NTRK3: variants seen among roughly 807,000 people sequenced by gnomAD.
NTRK3 encodes NT-3 growth factor receptor.
A neutral mutation model predicts 91.7 loss-of-function variants in NTRK3; 24 were observed. The ratio of observed to expected loss-of-function variants is 0.26; its 90% confidence interval spans 0.19 to 0.37. The LOEUF (loss-of-function observed/expected upper bound fraction) is 0.37. Among genes scored for constraint, NTRK3 ranks in the 10% least tolerant of loss-of-function variants. The pLI, the probability that NTRK3 is intolerant of heterozygous loss-of-function variation, is 1.00. For missense variants in NTRK3, 880 were observed against 1,068.9 expected (o/e 0.82, Z 2.46); for synonymous variants, 483 against 404.0 (o/e 1.20, Z -2.34).
chr15:87,977,691 C>T (rs1246101820), intron 14 of NTRK3: 1 of 231,848 alleles, frequency 4.3e-6, no homozygotes, highest in East Asian at 6.1e-5. Context: ...TAAACACACA[C>T]CTGGAGCCCT....
intron 5 of NTRK3, among the ~76,000 whole-genome samples, chr15:88,175,176 T>A (rs981450502): frequency 3.3e-5 from 5 of 152,228 alleles, no homozygotes; most frequent in Non-Finnish European, 7.3e-5. Flanking sequence ...AGTAAAAGTG[T>A]ATTTCTCTCT....
At chr15:87,867,522 G>C (rs2064715980) in exon 19 of NTRK3, 1 of 229,916 alleles carries the variant, frequency 4.3e-6, no homozygotes, top group Non-Finnish European at 8.6e-6. Context: ...TAACCAACTT[G>C]AGCAATGGAT....
intron 14 of NTRK3, among the ~76,000 whole-genome samples, chr15:87,974,501 G>A: frequency 6.6e-6 from 1 of 151,968 alleles, no homozygotes; most frequent in Admixed American, 6.5e-5. Flanking sequence ...CTAAGGATCA[G>A]GTTGGTCTCA....
At chr15:88,208,748 A>G (rs921410499) in intron 3 of NTRK3, among the ~76,000 whole-genome samples, 13 of 152,172 alleles carry the variant, frequency 8.5e-5, no homozygotes, top group African/African-American at 2.9e-4. Flanking sequence ...AAATAAACCA[A>G]TGGTTCCCAG....
intron 14 of NTRK3, among the ~76,000 whole-genome samples, chr15:87,965,946 C>T (rs1044416899): frequency 1.2e-4 from 18 of 151,878 alleles, no homozygotes; most frequent in African/African-American, 3.4e-4. Flanking sequence ...GGTGTGGTGG[C>T]GGGCACCTGT....
At chr15:88,078,587 T>C (rs150949222) in intron 13 of NTRK3, among the ~76,000 whole-genome samples, 1 of 151,942 alleles carries the variant, frequency 6.6e-6, no homozygotes, top group African/African-American at 2.4e-5. Flanking sequence ...GAGGTGGAGG[T>C]TGCAGTGAGC....
rs141783281 is a variant in NTRK3, at chr15:87,994,263, C to A, written c.1585+38594G>T. ...GGGATTGAATTGTGCCCCTCAAACA[C>A]CATCACCACAGTACCTCATATTGTC... On this transcript the variant is annotated intron_variant, in intron 14 of 18. Coordinates refer to ENST00000394480, the Ensembl canonical transcript of NTRK3. Among the ~76,000 whole-genome samples the A allele has an allele frequency of 3.3e-5, 5 of 152,288 alleles. No individual in the cohort carries two copies. In the East Asian group the frequency reaches 7.7e-4, roughly 24 times the overall value.
chr15:88,065,686 C>T (rs1019355424), intron 13 of NTRK3, among the ~76,000 whole-genome samples: 4 of 152,186 alleles, frequency 2.6e-5, no homozygotes, highest in African/African-American at 9.6e-5. Flanking sequence ...TAGAAAAGTT[C>T]TTTGGAACTG....
intron 14 of NTRK3, among the ~76,000 whole-genome samples, chr15:87,965,221 G>A (rs1455830287): frequency 1.3e-5 from 2 of 152,188 alleles, no homozygotes; most frequent in East Asian, 3.8e-4. Context: ...TTATGTGTTT[G>A]TGTGCTTTTC....
intron 3 of NTRK3, among the ~76,000 whole-genome samples, chr15:88,227,934 C>T (rs146434791): frequency 2.6e-5 from 4 of 152,262 alleles, no homozygotes; most frequent in Non-Finnish European, 5.9e-5. Flanking sequence ...CTTGGCCCTC[C>T]TCCCTTCTTC....
intron 7 of NTRK3, 151 bp from the exon 8 acceptor site, chr15:88,136,760 A>G: frequency 2.2e-6 from 2 of 925,212 alleles, no homozygotes; most frequent in East Asian, 2.7e-5. Context: ...CGCAAATCCA[A>G]GACGCTTTAC....
chr15:88,179,180 A>T (rs1484974364), intron 5 of NTRK3, among the ~76,000 whole-genome samples: 1 of 152,352 alleles, frequency 6.6e-6, no homozygotes, highest in East Asian at 1.9e-4. Context: ...GAAGTTCTCA[A>T]CCAGATTAGC....
At chr15:87,960,221 T>G (rs1282403492) in intron 14 of NTRK3, among the ~76,000 whole-genome samples, 1 of 152,222 alleles carries the variant, frequency 6.6e-6, no homozygotes, top group Non-Finnish European at 1.5e-5. Flanking sequence ...ATAAATGGAC[T>G]AACTCTCAGA....
chr15:88,130,571 C>A (rs1041463004), intron 10 of NTRK3, among the ~76,000 whole-genome samples: 1 of 152,014 alleles, frequency 6.6e-6, no homozygotes, highest in Non-Finnish European at 1.5e-5. Context: ...ACATCACGCG[C>A]CCCCGAAACG....
chr15:87,971,977 G>T (rs1156446217), intron 14 of NTRK3, among the ~76,000 whole-genome samples: 1 of 152,240 alleles, frequency 6.6e-6, no homozygotes, highest in East Asian at 1.9e-4. Flanking sequence ...TGAAGGTAGT[G>T]TGAGCTTTGG....
chr15:88,161,406 C>A (rs1487997115), intron 5 of NTRK3, among the ~76,000 whole-genome samples: 2 of 152,138 alleles, frequency 1.3e-5, no homozygotes, highest in African/African-American at 4.8e-5. Context: ...GTTACTAGGG[C>A]CCTGTCTCCT....
chr15:88,052,291 C>T (rs1406353459), intron 13 of NTRK3, among the ~76,000 whole-genome samples: 1 of 152,216 alleles, frequency 6.6e-6, no homozygotes, highest in East Asian at 1.9e-4. Context: ...GAGACATCAG[C>T]ATGGCTGCCA....
At chr15:88,164,526 C>T (rs961102813) in intron 5 of NTRK3, among the ~76,000 whole-genome samples, 1 of 152,192 alleles carries the variant, frequency 6.6e-6, no homozygotes, top group Non-Finnish European at 1.5e-5. Context: ...TGACAGCTAT[C>T]TTTACTGCCA....
chr15:88,148,568 C>A (rs879418534), intron 5 of NTRK3, among the ~76,000 whole-genome samples: 1 of 151,988 alleles, frequency 6.6e-6, no homozygotes, highest in Non-Finnish European at 1.5e-5. Flanking sequence ...CCTGAGAGAT[C>A]CAGAGGACCA....
Sources: allele counts gnomAD v4.1 joint callset (sites outside exome capture counted in the v4.1 genomes callset), GRCh38; gene constraint gnomAD v4.1.1; transcripts MANE v1.5; gene names NCBI Gene and HGNC (gene_info 2026-07-23, HGNC 2026-07-21).